Variants in PACRG observed in about 807,000 individuals in gnomAD.
PACRG encodes the protein parkin coregulated gene protein.
In PACRG, 29 loss-of-function variants were observed where a neutral mutation model predicts 29.7. That is an observed-to-expected ratio of 0.98 (90% confidence interval 0.73 to 1.33). The LOEUF is 1.33. Among genes scored for constraint, PACRG ranks in the 40% most tolerant of loss-of-function variants. PACRG has a pLI of 0.00. For missense variants in PACRG, 279 were observed against 316.2 expected (o/e 0.88, Z 0.89); for synonymous variants, 116 against 118.7 (o/e 0.98, Z 0.15).
At chr6:162,897,425 G>A (rs972468202) in intron 2 of PACRG, among the ~76,000 whole-genome samples, 6 of 152,174 alleles carry the variant, frequency 3.9e-5, no homozygotes, top group African/African-American at 9.6e-5. Context: ...TGCCTGATGC[G>A]TTCTTTCCAG....
chr6:163,072,230 TA>T, intron 3 of PACRG, among the ~76,000 whole-genome samples: 1 of 151,932 alleles, frequency 6.6e-6, no homozygotes, highest in East Asian at 1.9e-4. Context: ...AACAACACAT[TA>T]AAAAGATCAT....
intron 2 of PACRG, among the ~76,000 whole-genome samples, chr6:162,869,009 G>A (rs371432956): frequency 6.6e-6 from 1 of 152,190 alleles, no homozygotes; most frequent in Non-Finnish European, 1.5e-5. Context: ...ACAGAGGGAC[G>A]ATGACATGTG....
intron 2 of PACRG, among the ~76,000 whole-genome samples, chr6:163,026,935 G>A (rs1807185682): frequency 6.6e-6 from 1 of 152,168 alleles, no homozygotes; most frequent in African/African-American, 2.4e-5. Context: ...TATTCATATT[G>A]GAAGCCCTGG....
At chr6:162,834,433 A>G (rs1789041439) in intron 2 of PACRG, among the ~76,000 whole-genome samples, 1 of 152,100 alleles carries the variant, frequency 6.6e-6, no homozygotes, top group Admixed American at 6.6e-5. Flanking sequence ...AAATGATATA[A>G]GTTGTTTTAG....
chr6:163,269,762 G>C (rs376694866), intron 4 of PACRG, among the ~76,000 whole-genome samples: 1 of 51,254 alleles, frequency 2.0e-5, no homozygotes, highest in Admixed American at 1.8e-4. Flanking sequence ...GAGAGAGAGA[G>C]AGACAGACAG....
At chr6:162,811,856 A>C (rs915429888) in intron 1 of PACRG, among the ~76,000 whole-genome samples, 1 of 152,138 alleles carries the variant, frequency 6.6e-6, no homozygotes, top group African/African-American at 2.4e-5. Context: ...TGATTTTTTC[A>C]GCTCCAATAA....
At chr6:162,779,196 G>A (rs1783894671) in intron 1 of PACRG, among the ~76,000 whole-genome samples, 1 of 152,198 alleles carries the variant, frequency 6.6e-6, no homozygotes, top group South Asian at 2.1e-4. Flanking sequence ...CCGTTTCCCT[G>A]CAAAGGACAT....
chr6:163,042,639 TA>T (rs1808848760), intron 2 of PACRG: 1 of 152,056 alleles, frequency 6.6e-6, no homozygotes, highest in African/African-American at 2.4e-5. Context: ...TACATTTTTC[TA>T]TGTCATTTGT....
At chr6:162,831,831 C>G (rs56404230) in intron 2 of PACRG, among the ~76,000 whole-genome samples, 1 of 152,142 alleles carries the variant, frequency 6.6e-6, no homozygotes, top group Non-Finnish European at 1.5e-5. Context: ...CTGCAAAGGA[C>G]GTAATCTTGC....
At chr6:162,795,792 C>T (rs1458609213) in intron 1 of PACRG, among the ~76,000 whole-genome samples, 2 of 152,130 alleles carry the variant, frequency 1.3e-5, no homozygotes, top group African/African-American at 4.8e-5. Context: ...AAAACTTCTT[C>T]AAATAGATCT....
At chr6:162,974,304 A>G (rs1412216893) in intron 2 of PACRG, among the ~76,000 whole-genome samples, 1 of 152,258 alleles carries the variant, frequency 6.6e-6, no homozygotes, top group African/African-American at 2.4e-5. Context: ...AAAAAGGAAT[A>G]TGCTTTTCAC....
intron 4 of PACRG, among the ~76,000 whole-genome samples, chr6:163,092,230 T>C (rs1814173489): frequency 6.6e-6 from 1 of 152,234 alleles, no homozygotes; most frequent in African/African-American, 2.4e-5. Flanking sequence ...GTCTCCTGTT[T>C]TAATGTCACA....
Position 163,286,524 on chromosome 6 carries a change from A to G in PACRG, c.614-28303A>G, listed in dbSNP as rs115570157. On this transcript the variant is annotated intron_variant, in intron 4 of 4. Coordinates refer to ENST00000366888, the MANE Select transcript of PACRG (RefSeq NM_001080379.2). Reference sequence around the variant, plus strand: ...TCAAAGTGTTAAAAAACTTTAAGTCAGTCAAGAATTGGCAACTAATTTTCA... The same window carrying G: ...TCAAAGTGTTAAAAAACTTTAAGTCGGTCAAGAATTGGCAACTAATTTTCA... Among the ~76,000 whole-genome samples the G allele has an allele frequency of 8.9e-3, 1,360 of 152,356 alleles. 20 individuals carry two copies. The highest frequency in any genetic ancestry group is 0.032 in the African/African-American group (1,310 of 41,584).
At chr6:162,980,735 T>G (rs6909464) in intron 2 of PACRG, among the ~76,000 whole-genome samples, 50,351 of 152,008 alleles carry the variant, frequency 0.33, 8,895 homozygotes, top group East Asian at 0.5. Context: ...TATTTCATAT[T>G]TGCCTGATAT....
In PACRG at chr6:163,178,041, T is replaced by C. The variant is rs973866476; in HGVS notation, c.613+88633T>C. The stretch of plus-strand genomic sequence containing the variant: ...AAGACAGAACAAGGAGTGTTCCCAC[T>C]ACCAAGCTTCCAGAACAGGAAGGAA... On this transcript the variant is annotated intron_variant, in intron 4 of 4. Coordinates refer to ENST00000366888, the MANE Select transcript of PACRG (RefSeq NM_001080379.2). Among the ~76,000 whole-genome samples the C allele has an allele frequency of 6.6e-5, 10 of 152,172 alleles. No individual in the cohort carries two copies. The East Asian group carries it at 1.4e-3, about 21-fold the overall frequency.
chr6:163,197,203 T>A lies in PACRG; in HGVS notation c.613+107795T>A, dbSNP rs1161629253. ...TTTTCCACAGTAAGAGCATTTCCCT[T>A]TGAATACAGTCATAACTGGTTCTCC... On this transcript the variant is annotated intron_variant, in intron 4 of 4. Coordinates refer to ENST00000366888, the MANE Select transcript of PACRG (RefSeq NM_001080379.2). 7.9e-5 allele frequency among the ~76,000 whole-genome samples: 12 copies of A among 152,296 alleles called. No homozygotes were observed. In the East Asian group the frequency reaches 1.9e-3, roughly 24 times the overall value.
intron 4 of PACRG, among the ~76,000 whole-genome samples, chr6:163,237,522 T>A (rs1782298240): frequency 6.6e-6 from 1 of 152,222 alleles, no homozygotes; most frequent in Non-Finnish European, 1.5e-5. Context: ...AATGCTCAAC[T>A]TTTGTTGAAA....
intron 4 of PACRG, among the ~76,000 whole-genome samples, chr6:163,124,879 T>C (rs1421587912): frequency 6.6e-6 from 1 of 152,234 alleles, no homozygotes; most frequent in African/African-American, 2.4e-5. Context: ...TATATAGGCA[T>C]CATGTAAACT....
intron 4 of PACRG, among the ~76,000 whole-genome samples, chr6:163,277,591 T>TACATATAC (rs1335722475): frequency 4.0e-5 from 6 of 148,616 alleles, no homozygotes; most frequent in Non-Finnish European, 7.4e-5. Flanking sequence ...TATACATATA[T>TACATATAC]ACATATACAT....
Sources: allele counts gnomAD v4.1 joint callset (sites outside exome capture counted in the v4.1 genomes callset), GRCh38; gene constraint gnomAD v4.1.1; transcripts MANE v1.5; gene names NCBI Gene and HGNC (gene_info 2026-07-23, HGNC 2026-07-21).